LYPD6: variants seen among roughly 807,000 people sequenced by gnomAD.
LYPD6 encodes LY6/PLAUR domain containing 6.
In LYPD6, 15 loss-of-function variants were observed where a neutral mutation model predicts 22.7. The ratio of observed to expected loss-of-function variants is 0.66; its 90% CI spans 0.44 to 1.02. The LOEUF (loss-of-function observed/expected upper bound fraction) is 1.02, where lower values mean the gene tolerates loss of function less well. LYPD6 is among the 50% of genes least tolerant of loss of function. The pLI is 0.00. For synonymous variants in LYPD6, 72 were observed against 77.5 expected (o/e 0.93, Z 0.37); for missense variants, 189 against 208.4 (o/e 0.91, Z 0.57).
intron 1 of LYPD6, among the ~76,000 whole-genome samples, chr2:149,360,709 A>C (rs888493121): frequency 1.1e-4 from 17 of 152,088 alleles, no homozygotes; most frequent in African/African-American, 3.9e-4. Context: ...TTCTTTTTGA[A>C]ATATAAATCT....
At chr2:149,436,900 C>T (rs1297258377) in intron 1 of LYPD6, among the ~76,000 whole-genome samples, 1 of 152,180 alleles carries the variant, frequency 6.6e-6, no homozygotes, top group African/African-American at 2.4e-5. Context: ...TTTAAATACA[C>T]CTTAAGTCAG....
the LYPD6 span, among the ~76,000 whole-genome samples, chr2:149,479,487 G>T: frequency 5.7e-3 from 868 of 152,218 alleles, 6 homozygotes; most frequent in African/African-American, 0.02. Flanking sequence ...CACCTCCGTT[G>T]TAAGAGTGAC....
intron 1 of LYPD6, among the ~76,000 whole-genome samples, chr2:149,436,725 G>A (rs1683439080): frequency 6.6e-6 from 1 of 152,138 alleles, no homozygotes; most frequent in South Asian, 2.1e-4. Flanking sequence ...GAGATTACAG[G>A]TGCCTGCCAC....
chr2:149,427,154 G>A (rs1477988060), intron 1 of LYPD6, among the ~76,000 whole-genome samples: 2 of 152,160 alleles, frequency 1.3e-5, no homozygotes, highest in Non-Finnish European at 2.9e-5. Context: ...TAAAGCATAT[G>A]CCTCATAATC....
Position 149,415,623 on chromosome 2 carries a change from A to G in LYPD6, c.-71-22015A>G, listed in dbSNP as rs527674179. Among the ~76,000 whole-genome samples, 131 of 152,124 alleles carry G rather than the reference A, an allele frequency of 8.6e-4. 1 individual carries two copies. The highest frequency in any genetic ancestry group is 1.5e-3 in the Non-Finnish European group (102 of 67,988). ...GAGAGAGAGAAGGGAGGAAGGAAGG[A>G]AGGAAAGAAAGAAGGAAGGGCTGGG... On this transcript the variant is annotated intron_variant, in intron 1 of 4. Transcript: ENST00000334166.
At chr2:149,449,589 G>A (rs956783055) in intron 3 of LYPD6, among the ~76,000 whole-genome samples, 1 of 152,146 alleles carries the variant, frequency 6.6e-6, no homozygotes, top group African/African-American at 2.4e-5. Context: ...TGTCATCATT[G>A]CACAAATAAA....
At chr2:149,342,850 T>C (rs1444049266) in intron 1 of LYPD6, among the ~76,000 whole-genome samples, 1 of 152,132 alleles carries the variant, frequency 6.6e-6, no homozygotes, top group African/African-American at 2.4e-5. Flanking sequence ...AGGTTTGAAC[T>C]CCTCCTGTTG....
At chr2:149,358,303 C>T (rs906875414) in intron 1 of LYPD6, among the ~76,000 whole-genome samples, 3 of 152,096 alleles carry the variant, frequency 2.0e-5, no homozygotes, top group African/African-American at 7.2e-5. Context: ...CCTCTGGGAA[C>T]CTAAAACATA....
At chr2:149,410,822 T>A (rs1037786571) in intron 1 of LYPD6, among the ~76,000 whole-genome samples, 1 of 152,356 alleles carries the variant, frequency 6.6e-6, no homozygotes, top group Admixed American at 6.5e-5. Context: ...ATTTGCATTA[T>A]GAAGGGCCCA....
chr2:149,339,594 T>G (rs1573727308), intron 1 of LYPD6, among the ~76,000 whole-genome samples: 1 of 152,182 alleles, frequency 6.6e-6, no homozygotes, highest in East Asian at 1.9e-4. Context: ...CAAAGTCAAA[T>G]TCTCATGCAC....
intron 1 of LYPD6, among the ~76,000 whole-genome samples, chr2:149,410,051 C>T (rs1262000981): frequency 6.6e-6 from 1 of 152,156 alleles, no homozygotes; most frequent in East Asian, 1.9e-4. Context: ...GCAAGCTAGT[C>T]CTGCCTTCTA....
At chr2:149,382,544 C>T (rs1682089893) in intron 1 of LYPD6, among the ~76,000 whole-genome samples, 1 of 152,030 alleles carries the variant, frequency 6.6e-6, no homozygotes, top group Non-Finnish European at 1.5e-5. Context: ...ATTCTGTGGC[C>T]CTATATCATG....
chr2:149,467,130 A>G (rs1448698219), intron 3 of LYPD6, among the ~76,000 whole-genome samples: 2 of 152,218 alleles, frequency 1.3e-5, no homozygotes, highest in African/African-American at 2.4e-5. Flanking sequence ...GGGCTTTGGG[A>G]TAATTATTGC....
At chr2:149,448,776 C>T (rs912903650) in intron 2 of LYPD6, among the ~76,000 whole-genome samples, 1 of 152,224 alleles carries the variant, frequency 6.6e-6, no homozygotes, top group African/African-American at 2.4e-5. Flanking sequence ...CATTCACCCA[C>T]TGAAGGACAT....
intron 1 of LYPD6, among the ~76,000 whole-genome samples, chr2:149,376,207 C>T (rs927589579): frequency 5.3e-5 from 8 of 152,188 alleles, no homozygotes; most frequent in African/African-American, 7.2e-5. Flanking sequence ...CAGATAAATT[C>T]TCCAGATTTG....
chr2:149,340,199 AAAG>A, intron 1 of LYPD6, among the ~76,000 whole-genome samples: 1 of 152,310 alleles, frequency 6.6e-6, no homozygotes, highest in East Asian at 1.9e-4. Flanking sequence ...ATGACCTAAA[AAAG>A]CAGGAGAGAT....
intron 3 of LYPD6, among the ~76,000 whole-genome samples, chr2:149,467,440 C>G (rs1260456211): frequency 6.6e-6 from 1 of 152,172 alleles, no homozygotes; most frequent in Non-Finnish European, 1.5e-5. Context: ...GTTAAAACCC[C>G]TGAGTTTTGA....
chr2:149,462,693 C>T (rs565679702), intron 3 of LYPD6, among the ~76,000 whole-genome samples: 9 of 151,994 alleles, frequency 5.9e-5, no homozygotes, highest in East Asian at 1.9e-4. Flanking sequence ...ATCAAGACTG[C>T]GGTACTGACA....
chr2:149,413,003 A>G (rs1682885863), intron 1 of LYPD6, among the ~76,000 whole-genome samples: 1 of 152,134 alleles, frequency 6.6e-6, no homozygotes, highest in African/African-American at 2.4e-5. Context: ...TCTGATATTT[A>G]TATTTTTTTC....
Sources: allele counts gnomAD v4.1 joint callset (sites outside exome capture counted in the v4.1 genomes callset), GRCh38; gene constraint gnomAD v4.1.1; transcripts MANE v1.5; gene names NCBI Gene and HGNC (gene_info 2026-07-23, HGNC 2026-07-21).